The following DISP3 variants were observed in gnomAD, a reference collection of about 807,000 sequenced individuals.
DISP3 encodes protein dispatched homolog 3.
A neutral mutation model predicts 135.3 loss-of-function variants in DISP3; 101 were observed. The observed-to-expected ratio is 0.75, with a 90% CI of 0.64 to 0.88. DISP3 has a LOEUF of 0.88. DISP3 is among the 40% of genes least tolerant of loss of function. The pLI, the probability that DISP3 is intolerant of heterozygous loss-of-function variation, is 0.00. For synonymous variants in DISP3, 856 were observed against 817.0 expected (o/e 1.05, Z -0.81); for missense variants, 1,713 against 1,878.6 (o/e 0.91, Z 1.63).
rs546729199 is a variant in DISP3 at position 11,496,733 on chromosome 1, C to T, written c.-3-4257C>T. On this transcript the variant is annotated intron_variant, in intron 1 of 20. Transcript: ENST00000294484. ...TTACCAGCCCAGCCTCAGTTTGGTG[C>T]GAGGGACTCTCAGATGGCTCTTGCC... Among the ~76,000 whole-genome samples the T allele has an allele frequency of 1.7e-3, 253 of 152,300 alleles. 1 individual carries two copies. The highest frequency in any genetic ancestry group is 3.0e-3 in the Non-Finnish European group (202 of 68,032).
At position 11,520,910 on chromosome 1, in the gene DISP3, G is replaced by A; in HGVS notation, c.2362+62G>A. The A allele has an allele frequency of 6.7e-7, 1 of 1,502,738 alleles. No homozygotes were observed. Among genetic ancestry groups the A allele is most frequent in the South Asian group, 1.3e-5 (1 of 79,412 alleles). 93.1% of individuals were successfully genotyped at this position (1,502,738 alleles called of 1,614,324 possible). A position where few individuals can be genotyped will look rare whatever the true frequency, so the allele number is the denominator to read the frequency against. ...GGTGTCCGGGTCCCAAAGACTGTTG[G>A]TCTGAGAGATGCAGGATCCAGGGTC... On this transcript the variant is annotated intron_variant, in intron 10 of 20. Transcript: ENST00000294484. This position sits in a 1 kb window ranked among gnomAD's most constrained non-coding sequence, Gnocchi z 4.8.
Position 11,523,961 on chromosome 1 carries a change from C to T in DISP3, c.2382C>T (p.Pro794=), listed in dbSNP as rs1402322372. 3 of 1,613,020 alleles carry T rather than the reference C, an allele frequency of 1.9e-6. No individual in the cohort carries two copies. The highest frequency in any genetic ancestry group is 1.7e-5 in the Admixed American group (1 of 59,982). ...ITCSGLFQEK[P]HSLQNNIRTS... Reference sequence around the variant, plus strand: ...GGGCAGGTCTGTTCCAGGAGAAGCCCCACAGCCTGCAGAACAACATCCGGA... The same window carrying T: ...GGGCAGGTCTGTTCCAGGAGAAGCCTCACAGCCTGCAGAACAACATCCGGA... Residue 794 remains proline, a synonymous_variant, in exon 11 of 21, where the codon CCC becomes CCT. Transcript: ENST00000294484.
At chr1:11,500,303 T>G (rs544050070) in intron 1 of DISP3, among the ~76,000 whole-genome samples, 1 of 152,236 alleles carries the variant, frequency 6.6e-6, no homozygotes, top group Non-Finnish European at 1.5e-5. Context: ...GCTGAGCATG[T>G]TACAGTCCCC....
intron 11 of DISP3, among the ~76,000 whole-genome samples, 197 bp downstream of exon 11, chr1:11,524,252 G>A (rs1054836761): frequency 2.0e-5 from 3 of 151,984 alleles, no homozygotes; most frequent in South Asian, 2.1e-4. Flanking sequence ...GTAGGCTCCC[G>A]CGACACCCTG....
At chr1:11,534,278 C>T (rs191255453) in intron 17 of DISP3, 103 bp from the exon 18 acceptor site, 91 of 1,388,712 alleles carry the variant, frequency 6.6e-5, no homozygotes, top group African/African-American at 4.8e-4. Flanking sequence ...CCCCAACACA[C>T]GCACCACTCC....
chr1:11,534,685 G>A (rs1642661349), intron 18 of DISP3, 145 bp downstream of exon 18: 1 of 1,162,776 alleles, frequency 8.6e-7, no homozygotes, highest in Middle Eastern at 2.7e-4. Context: ...CTGGGACATT[G>A]ATCAGAGGCT....
In DISP3 at chr1:11,535,033, C is replaced by T. The variant is rs1642669438; in HGVS notation, c.3558C>T (p.Gly1186=). 4.4e-6 allele frequency: 7 copies of T among 1,597,210 alleles called. No homozygotes were observed. Among genetic ancestry groups the T allele is most frequent in the Non-Finnish European group, 5.1e-6 (6 of 1,174,260 alleles). ...CAGGGGTGCAGAGCGCCCTGTGCGGCCTGGTGCTATCCCTGCTCATCTGCG... is the reference window on the plus strand; with the variant it reads ...CAGGGGTGCAGAGCGCCCTGTGCGGTCTGGTGCTATCCCTGCTCATCTGCG... ...EIVGVQSALC[G]LVLSLLICVA... Residue 1186 remains glycine (G), a synonymous_variant, in exon 19 of 21, where the codon GGC becomes GGT. Coordinates refer to ENST00000294484, the MANE Select transcript of DISP3 (RefSeq NM_020780.2).
At position 11,536,882 on chromosome 1, in the gene DISP3, A is replaced by G; in HGVS notation, c.*196A>G. ...GAGCTGGGAGTTGGAGACAGCCGCC[A>G]CCCCACAGGCCGGGCTACTGGCAGC... On this transcript the variant is annotated 3_prime_UTR_variant, in exon 21 of 21. Transcript: ENST00000294484. This position sits in a 1 kb window ranked among gnomAD's most constrained non-coding sequence, Gnocchi z 4.3. 1.3e-6 allele frequency: 1 copy of G among 752,094 alleles called. No homozygotes were observed. Among genetic ancestry groups the G allele is most frequent in the South Asian group, 2.3e-5 (1 of 44,266 alleles). 46.6% of individuals were successfully genotyped at this position (752,094 alleles called of 1,614,324 possible).
In DISP3 at chr1:11,530,111, G is replaced by A. The variant is rs959163119; in HGVS notation, c.3102+152G>A. The A allele has an allele frequency of 9.2e-6, 10 of 1,085,242 alleles. No individual in the cohort carries two copies. In the East Asian group the frequency reaches 1.0e-4, roughly 11 times the overall value. 67.2% of individuals were successfully genotyped at this position (1,085,242 alleles called of 1,614,324 possible). A position where few individuals can be genotyped will look rare whatever the true frequency, so the allele number is the denominator to read the frequency against. ...CCAGACAGAACCCCTATGGGCCCCT[G>A]GGGGTCCGGTTTTTCTTGAGGACTC... On this transcript the variant is annotated intron_variant, in intron 15 of 20. Coordinates refer to ENST00000294484, the MANE Select transcript of DISP3 (RefSeq NM_020780.2).
chr1:11,493,500 G>A (rs771895031), intron 1 of DISP3, among the ~76,000 whole-genome samples: 8 of 152,234 alleles, frequency 5.3e-5, no homozygotes, highest in East Asian at 1.9e-4. Flanking sequence ...GGAGGTGGGC[G>A]GATCACTTGA....
chr1:11,510,110 A>G (rs1641818272), intron 3 of DISP3, among the ~76,000 whole-genome samples: 1 of 152,096 alleles, frequency 6.6e-6, no homozygotes, highest in Admixed American at 6.5e-5. Flanking sequence ...AAAAATAAAT[A>G]AATAAATAAA....
chr1:11,479,955 C>T (rs1640847626), intron 1 of DISP3, among the ~76,000 whole-genome samples: 1 of 152,176 alleles, frequency 6.6e-6, no homozygotes, highest in Admixed American at 6.5e-5. Flanking sequence ...GATCCGCGCG[C>T]GCGAGGGTCC....
intron 13 of DISP3, among the ~76,000 whole-genome samples, chr1:11,527,280 C>T (rs548748492): frequency 5.4e-5 from 8 of 149,434 alleles, no homozygotes; most frequent in South Asian, 2.4e-4. Context: ...TGGCCAGGTG[C>T]GGTGGCTCAT....
intron 17 of DISP3, chr1:11,533,813 A>C: frequency 1.4e-6 from 1 of 717,840 alleles, no homozygotes. Flanking sequence ...TACCTTAAGA[A>C]TCTTTTAGAG....
Position 11,529,964 on chromosome 1 carries a change from G to A in DISP3, c.3102+5G>A, listed in dbSNP as rs778118751. 46 of 1,611,044 alleles carry A rather than the reference G, an allele frequency of 2.9e-5. 1 individual carries two copies. The South Asian group carries it at 3.4e-4, about 12-fold the overall frequency. On this transcript the variant is annotated splice_donor_5th_base_variant and intron_variant, in intron 15 of 20. Coordinates refer to ENST00000294484, the MANE Select transcript of DISP3 (RefSeq NM_020780.2). The surrounding 1 kb of genome is among the most constrained non-coding windows in gnomAD (Gnocchi z 4.7). ...AACCACGTCATTGGAGACCCGGTAC[G>A]GGGCATGCGTCGGGCAGATGCCGAG...
rs2100408456 is a variant in DISP3 at position 11,501,547 on chromosome 1, T to C, written c.555T>C (p.Pro185=). 2 of 1,590,856 alleles carry C rather than the reference T, an allele frequency of 1.3e-6. No homozygotes were observed. The highest frequency in any genetic ancestry group is 1.7e-6 in the Non-Finnish European group (2 of 1,167,154). Residue 185 remains proline, a synonymous_variant, in exon 2 of 21, where the codon CCT becomes CCC. Coordinates refer to ENST00000294484, the MANE Select transcript of DISP3 (RefSeq NM_020780.2). The surrounding 1 kb of genome is among the most constrained non-coding windows in gnomAD (Gnocchi z 4.9). ...CGGCCTCACTCGGTGGCCCAGGCCC[T>C]TACCGGGACACTTCCGCGGCTCAAA... ...IPAASLGGPG[P]YRDTSAAQKP...
intron 3 of DISP3, 115 bp from the exon 4 acceptor site, chr1:11,514,275 G>A: frequency 1.6e-6 from 2 of 1,272,662 alleles, no homozygotes; most frequent in Non-Finnish European, 2.2e-6. Flanking sequence ...TCCAACCAAG[G>A]TAGAGTCACA....
At position 11,516,919 on chromosome 1, in the gene DISP3, G is replaced by C. The variant is rs554716424; in HGVS notation, c.1750-544G>C. On this transcript the variant is annotated intron_variant, in intron 6 of 20. Transcript: ENST00000294484. The surrounding 1 kb of genome is among the most constrained non-coding windows in gnomAD (Gnocchi z 5.1). The stretch of plus-strand genomic sequence containing the variant: ...CTCATGTGTGGATTATCCAGGGACT[G>C]AGATGCGAGGATGATTGTGAAAGTG... 3.3e-5 allele frequency among the ~76,000 whole-genome samples: 5 copies of C among 152,294 alleles called. No individual in the cohort carries two copies. The highest frequency in any genetic ancestry group is 2.1e-4 in the South Asian group (1 of 4,824).
At chr1:11,523,893 C>A (rs778415996) in intron 10 of DISP3, 49 bp from the exon 11 acceptor site, 41 of 1,506,150 alleles carry the variant, frequency 2.7e-5, no homozygotes, top group Non-Finnish European at 3.7e-5. Flanking sequence ...CGGGCCCAGG[C>A]CAGGATGTCC....
Sources: allele counts gnomAD v4.1 joint callset (sites outside exome capture counted in the v4.1 genomes callset), GRCh38; gene constraint gnomAD v4.1.1; non-coding constraint Gnocchi (gnomAD v3.1); transcripts MANE v1.5; gene names NCBI Gene and HGNC (gene_info 2026-07-23, HGNC 2026-07-21).